The following SAMD4B variants were observed in gnomAD, a reference collection of about 807,000 sequenced individuals.
SAMD4B encodes the protein sterile alpha motif domain containing 4B, also known as protein Smaug homolog 2.
A neutral mutation model predicts 74.5 loss-of-function variants in SAMD4B; 5 were observed. That is an observed-to-expected ratio of 0.07 (90% CI 0.04 to 0.14). The LOEUF (loss-of-function observed/expected upper bound fraction) is 0.14. Ranked by LOEUF, SAMD4B falls within the 10% of genes least tolerant of loss-of-function variation. SAMD4B has a pLI of 1.00. For missense variants in SAMD4B, 608 were observed against 921.8 expected (o/e 0.66, Z 4.41); for synonymous variants, 373 against 374.9 (o/e 1.00, Z 0.06).
downstream of SAMD4B, chr19:39,390,280 G>A (rs551765199): frequency 3.7e-6 from 6 of 1,613,054 alleles, no homozygotes; most frequent in South Asian, 4.4e-5. Context: ...GAGTCCGGTG[G>A]GAATTGGGCC....
intron 1 of SAMD4B, among the ~76,000 whole-genome samples, chr19:39,344,025 A>AC (rs2075530558): frequency 9.3e-6 from 1 of 107,882 alleles, no homozygotes. Flanking sequence ...GACCCCAGCG[A>AC]CCCCCTGGAG....
chr19:39,379,615 G>A (rs1266212885), intron 9 of SAMD4B, among the ~76,000 whole-genome samples: 1 of 152,158 alleles, frequency 6.6e-6, no homozygotes, highest in Non-Finnish European at 1.5e-5. Context: ...CTGTTGCCCA[G>A]GCTGGAGTGC....
chr19:39,371,142 G>A (rs899987115), intron 4 of SAMD4B, among the ~76,000 whole-genome samples: 3 of 152,198 alleles, frequency 2.0e-5, no homozygotes, highest in African/African-American at 7.2e-5. Context: ...CCAGGGTGAG[G>A]GAGAGGGTTC....
Position 39,383,098 on chromosome 19 carries a change from C to A in SAMD4B, c.1973-110C>A. 1 of 856,868 alleles carries A rather than the reference C, an allele frequency of 1.2e-6. No individual in the cohort carries two copies. Among genetic ancestry groups the A allele is most frequent in the South Asian group, 1.4e-5 (1 of 73,904 alleles). The allele number at this position is 856,868 out of a possible 1,614,324, so 53.1% of individuals were successfully genotyped here. The stretch of plus-strand genomic sequence containing the variant: ...CACCTCCTCCCGTTCTTCCCTCTCC[C>A]CCTCCATCTCTCTTGCTCCCTTCCC... On this transcript the variant is annotated intron_variant, in intron 12 of 13. Transcript: ENST00000610417. This position sits in a 1 kb window ranked among gnomAD's most constrained non-coding sequence, Gnocchi z 4.1.
intron 5 of SAMD4B, 115 bp from the exon 6 acceptor site, chr19:39,376,322 C>T: frequency 2.5e-6 from 2 of 785,582 alleles, no homozygotes; most frequent in Non-Finnish European, 2.1e-6. Context: ...CCCCAACCCC[C>T]TCCCAATTTT....
chr19:39,378,671 A>G lies in SAMD4B; in HGVS notation c.1530+82A>G. The G allele has an allele frequency of 8.3e-7, 1 of 1,197,980 alleles. No individual in the cohort carries two copies. 74.2% of individuals were successfully genotyped at this position (1,197,980 alleles called of 1,614,324 possible). On this transcript the variant is annotated intron_variant, in intron 9 of 13. Transcript: ENST00000610417. The surrounding 1 kb of genome is among the most constrained non-coding windows in gnomAD (Gnocchi z 4.4). ...CGCCTGTAGTCCCAGCACTTCGGCC[A>G]CCGAGGCGGGCGGATCATGAGGTCA...
At chr19:39,362,067 C>T (rs1172749273) in intron 3 of SAMD4B, among the ~76,000 whole-genome samples, 3 of 152,176 alleles carry the variant, frequency 2.0e-5, no homozygotes, top group Non-Finnish European at 2.9e-5. Context: ...TTAGTACTTC[C>T]TCCAGTTCTC....
At chr19:39,344,789 C>T (rs1600506166) in intron 1 of SAMD4B, among the ~76,000 whole-genome samples, 1 of 152,136 alleles carries the variant, frequency 6.6e-6, no homozygotes, top group African/African-American at 2.4e-5. Flanking sequence ...CTTGAAATCC[C>T]AGTGCTCCGA....
chr19:39,381,062 C>T lies in SAMD4B; in HGVS notation c.1921C>T (p.His641Tyr), dbSNP rs1337778579. 2.0e-5 allele frequency: 32 copies of T among 1,612,854 alleles called. No individual in the cohort carries two copies. The highest frequency in any genetic ancestry group is 2.5e-5 in the Non-Finnish European group (30 of 1,179,928). Residue 641 changes from histidine (H) to tyrosine (Y), a missense_variant, in exon 12 of 14, where the codon CAC becomes TAC. Coordinates refer to ENST00000610417, the MANE Select transcript of SAMD4B (RefSeq NM_001384574.2). ...GAGCCGCAGCTCTGTGCAGCGCACC[C>T]ACTCGCTCCCGGTCCACTCGTCACC... ...SQSRSSVQRT[H>Y]SLPVHSSPQA... is the part of the protein sequence containing the mutation.
intron 4 of SAMD4B, among the ~76,000 whole-genome samples, chr19:39,374,161 C>T (rs2077465283): frequency 6.6e-6 from 1 of 152,100 alleles, no homozygotes; most frequent in Non-Finnish European, 1.5e-5. Flanking sequence ...GTCCCAGCTA[C>T]TCGGGAGGCT....
intron 3 of SAMD4B, among the ~76,000 whole-genome samples, chr19:39,357,996 T>G (rs373976700): frequency 3.9e-5 from 6 of 152,200 alleles, no homozygotes; most frequent in African/African-American, 1.4e-4. Context: ...CTTGGCCAGA[T>G]GCAGTGGCTC....
rs373318951 is a variant in SAMD4B, at chr19:39,354,545, C to T, written c.-206+479C>T. Among the ~76,000 whole-genome samples the T allele has an allele frequency of 9.2e-5, 14 of 152,250 alleles. No homozygotes were observed. In the East Asian group the frequency reaches 9.7e-4, roughly 11 times the overall value. On this transcript the variant is annotated intron_variant, in intron 2 of 13. Transcript: ENST00000610417. ...TATATATTGAGCACCTTCTACGTGC[C>T]AGGCACTGTTGTAGGCACTGGCTGA...
rs368117873 is a variant in SAMD4B, at chr19:39,356,726, C to T, written c.-168C>T. 1.6e-5 allele frequency: 9 copies of T among 572,596 alleles called. No homozygotes were observed. Among genetic ancestry groups the T allele is most frequent in the South Asian group, 4.9e-5 (2 of 41,162 alleles). The allele number at this position is 572,596 out of a possible 1,614,324, so 35.5% of individuals were successfully genotyped here. On this transcript the variant is annotated 5_prime_UTR_variant, in exon 3 of 14. Coordinates refer to ENST00000610417, the MANE Select transcript of SAMD4B (RefSeq NM_001384574.2). Reference sequence around the variant, plus strand: ...GCGTGGCTGGACCAAGACCTCCCCCCATGTGAGCAGGCTTCCTCCTCCCCC... The same window carrying T: ...GCGTGGCTGGACCAAGACCTCCCCCTATGTGAGCAGGCTTCCTCCTCCCCC...
chr19:39,383,169 T>C lies in SAMD4B; in HGVS notation c.1973-39T>C. 6.5e-7 allele frequency: 1 copy of C among 1,538,624 alleles called. No homozygotes were observed. ...CCCAGCTGTCTTCACCTGAGTCCAG[T>C]TGGTCCTTACCACCCCCATTCTCCT... On this transcript the variant is annotated intron_variant, in intron 12 of 13. Coordinates refer to ENST00000610417, the MANE Select transcript of SAMD4B (RefSeq NM_001384574.2). This position sits in a 1 kb window ranked among gnomAD's most constrained non-coding sequence, Gnocchi z 4.1.
At chr19:39,386,680 G>T, downstream of SAMD4B, 1 of 1,607,258 alleles carries the variant, frequency 6.2e-7, no homozygotes, top group Non-Finnish European at 8.5e-7. This position sits in a 1 kb window ranked among gnomAD's most constrained non-coding sequence, Gnocchi z 6.1. Flanking sequence ...CCCTGAGCCA[G>T]TGGTGCTTGT....
intron 1 of SAMD4B, among the ~76,000 whole-genome samples, chr19:39,346,386 G>C (rs904767776): frequency 4.6e-5 from 7 of 152,096 alleles, no homozygotes; most frequent in African/African-American, 1.7e-4. Context: ...TCTCACCCAT[G>C]GTATCTCTTC....
chr19:39,373,118 C>T (rs1449159597), intron 4 of SAMD4B, among the ~76,000 whole-genome samples: 1 of 152,172 alleles, frequency 6.6e-6, no homozygotes, highest in Admixed American at 6.5e-5. Context: ...TGGCAGGAAC[C>T]CCAGCCTTTC....
intron 1 of SAMD4B, chr19:39,350,964 A>C (rs909614871): frequency 6.6e-6 from 1 of 150,480 alleles, no homozygotes; most frequent in African/African-American, 2.5e-5. Flanking sequence ...CTGATCTGGA[A>C]CCTTTGGCTT....
chr19:39,390,696 C>T (rs1201327471), downstream of SAMD4B: 44 of 1,040,902 alleles, frequency 4.2e-5, no homozygotes, highest in South Asian at 4.9e-4. Flanking sequence ...AGGAACCCGC[C>T]CCCTTCGTCA....
Sources: allele counts gnomAD v4.1 joint callset (sites outside exome capture counted in the v4.1 genomes callset), GRCh38; gene constraint gnomAD v4.1.1; non-coding constraint Gnocchi (gnomAD v3.1); transcripts MANE v1.5; gene names NCBI Gene and HGNC (gene_info 2026-07-23, HGNC 2026-07-21).